Variants in PKHD1 observed in about 807,000 individuals in gnomAD.
PKHD1 encodes fibrocystin.
In PKHD1, 291 loss-of-function variants were observed where a neutral mutation model predicts 412.0. That is an observed-to-expected ratio of 0.71 (90% CI 0.64 to 0.78). PKHD1 has a LOEUF of 0.78. Among genes scored for constraint, PKHD1 ranks in the 30% least tolerant of loss-of-function variants. PKHD1 has a pLI of 0.00. For missense variants in PKHD1, 4,825 were observed against 4,950.7 expected, an observed-to-expected ratio of 0.97 and a Z score of 0.76; for synonymous variants, 1,777 against 1,821.5, an observed-to-expected ratio of 0.98 and a Z score of 0.62.
chr6:52,014,379 A>C (rs1357733031), intron 34 of PKHD1, among the ~76,000 whole-genome samples: 2 of 152,090 alleles, frequency 1.3e-5, no homozygotes, highest in Non-Finnish European at 2.9e-5. Flanking sequence ...TTATTATCTG[A>C]CTTTCTTCTC....
At position 51,846,508 on chromosome 6, in the gene PKHD1, G is replaced by A. The variant is rs1771182513; in HGVS notation, c.8107+1267C>T. Among the ~76,000 whole-genome samples, 5 of 152,116 alleles carry A rather than the reference G, an allele frequency of 3.3e-5. No homozygotes were observed. The South Asian group carries it at 1.0e-3, about 32-fold the overall frequency. On this transcript the variant is annotated intron_variant, in intron 50 of 66. Transcript: ENST00000371117. ...GATTCTCCTTTTTACTGTAAGAAGTGGCCTCACAGTGAGCTGCGATTGGAA... is the reference window on the plus strand; with the variant it reads ...GATTCTCCTTTTTACTGTAAGAAGTAGCCTCACAGTGAGCTGCGATTGGAA...
chr6:51,892,506 G>A (rs187234752), intron 43 of PKHD1, among the ~76,000 whole-genome samples: 3 of 152,290 alleles, frequency 2.0e-5, no homozygotes, highest in Non-Finnish European at 2.9e-5. Flanking sequence ...TTATACAGAG[G>A]ATAGGCTCGA....
intron 55 of PKHD1, among the ~76,000 whole-genome samples, chr6:51,757,798 T>C (rs1209490568): frequency 6.6e-6 from 1 of 150,844 alleles, no homozygotes; most frequent in African/African-American, 2.4e-5. Flanking sequence ...AACCCAGGAG[T>C]TCAAGACCAG....
intron 60 of PKHD1, among the ~76,000 whole-genome samples, chr6:51,673,842 A>C (rs1464319332): frequency 6.6e-6 from 1 of 152,228 alleles, no homozygotes. Flanking sequence ...GCTAGGTTCC[A>C]GTTGAGGTAA....
At chr6:51,651,660 C>T (rs1191966752) in intron 61 of PKHD1, among the ~76,000 whole-genome samples, 3 of 152,130 alleles carry the variant, frequency 2.0e-5, no homozygotes, top group Non-Finnish European at 4.4e-5. Flanking sequence ...CTCAGCACCA[C>T]AGACAACCTC....
rs1292793979 is a variant in PKHD1, at chr6:52,042,016, C to A, written c.3097+843G>T. ...CCTTATAACTCTATAGAGAAAACTA[C>A]ACTATGCCCTACACTCAAACCAATA... On this transcript the variant is annotated intron_variant, in intron 27 of 66. Coordinates refer to ENST00000371117, the MANE Select transcript of PKHD1 (RefSeq NM_138694.4). Among the ~76,000 whole-genome samples the A allele has an allele frequency of 3.3e-5, 5 of 152,268 alleles. No homozygotes were observed. The South Asian group carries it at 8.3e-4, about 25-fold the overall frequency.
chr6:51,897,442 C>A lies in PKHD1; in HGVS notation c.6996+6155G>T, dbSNP rs372576494. Reference sequence around the variant, plus strand: ...CTCATAAGTGAAGGAGAAATAAAATCCTTTACAGACAAGCAAATGCTGAGA... The same window carrying A: ...CTCATAAGTGAAGGAGAAATAAAATACTTTACAGACAAGCAAATGCTGAGA... On this transcript the variant is annotated intron_variant, in intron 43 of 66. Coordinates refer to ENST00000371117, the MANE Select transcript of PKHD1 (RefSeq NM_138694.4). Among the ~76,000 whole-genome samples, 5 of 151,864 alleles carry A rather than the reference C, an allele frequency of 3.3e-5. No individual in the cohort carries two copies. In the South Asian group the frequency reaches 6.3e-4, roughly 19 times the overall value.
At chr6:51,974,691 T>A (rs1217865604) in intron 35 of PKHD1, among the ~76,000 whole-genome samples, 1 of 152,104 alleles carries the variant, frequency 6.6e-6, no homozygotes, top group East Asian at 1.9e-4. Context: ...CAATGGACTT[T>A]GAGGACTTGG....
chr6:51,773,519 T>C (rs1790494005), intron 54 of PKHD1, among the ~76,000 whole-genome samples: 1 of 151,532 alleles, frequency 6.6e-6, no homozygotes, highest in African/African-American at 2.4e-5. Context: ...ATATATTTAT[T>C]TTATTTAGAT....
intron 36 of PKHD1, among the ~76,000 whole-genome samples, chr6:51,953,687 C>A (rs897617726): frequency 6.6e-6 from 1 of 151,872 alleles, no homozygotes; most frequent in Admixed American, 6.6e-5. Context: ...TACAATGAAC[C>A]TGACAGTGAG....
intron 50 of PKHD1, among the ~76,000 whole-genome samples, chr6:51,837,902 G>T (rs1163274501): frequency 1.3e-5 from 2 of 152,038 alleles, no homozygotes; most frequent in African/African-American, 4.8e-5. Flanking sequence ...CACATGTTGA[G>T]ACCTGGTACA....
Position 51,659,472 on chromosome 6 carries a change from G to A in PKHD1, c.10654C>T (p.Pro3552Ser), listed in dbSNP as rs1282914025. Residue 3552 changes from proline to serine, a missense_variant, in exon 61 of 67, where the codon CCC becomes TCC. Pro to Ser is a moderately conservative substitution (Grantham distance 74). Transcript: ENST00000371117. ...GAAACACCTGAGCGTATTTCAATGG[G>A]CTCCTCTCCTTGTAGGACAACATAC... The part of the protein sequence containing the change: ...LLYVVLQGEE[P>S]IEIRSGVSIH... 3 of 1,613,614 alleles carry A rather than the reference G, an allele frequency of 1.9e-6. No homozygotes were observed. Among genetic ancestry groups the A allele is most frequent in the African/African-American group, 1.3e-5 (1 of 74,988 alleles).
intron 60 of PKHD1, among the ~76,000 whole-genome samples, chr6:51,694,493 C>T (rs1261806615): frequency 6.6e-6 from 1 of 150,796 alleles, no homozygotes; most frequent in Non-Finnish European, 1.5e-5. Context: ...AAGCAATTCT[C>T]CTGCCTCAGC....
chr6:51,634,103 T>C (rs998697737), intron 64 of PKHD1, among the ~76,000 whole-genome samples: 13 of 152,168 alleles, frequency 8.5e-5, no homozygotes, highest in African/African-American at 3.1e-4. Flanking sequence ...CAGCCAGCAT[T>C]TTTAAAGCAG....
chr6:51,729,872 G>A (rs1783042612), intron 60 of PKHD1, among the ~76,000 whole-genome samples: 1 of 152,036 alleles, frequency 6.6e-6, no homozygotes. Flanking sequence ...ATATCTCCAA[G>A]TCCTAAATTT....
At position 51,753,376 on chromosome 6, in the gene PKHD1, A is replaced by G. The variant is rs112461846; in HGVS notation, c.8798-23T>C. ...TTCCTGGGGCAATAGGAGTTGTGGG[A>G]AAAAAAAACTTTAAAAACCTGTTTC... On this transcript the variant is annotated intron_variant, in intron 56 of 66. Coordinates refer to ENST00000371117, the MANE Select transcript of PKHD1 (RefSeq NM_138694.4). The G allele has an allele frequency of 0.016, 25,396 of 1,585,520 alleles. 1,583 individuals are homozygous for G. The African/African-American group carries it at 0.17, about 11-fold the overall frequency.
At chr6:51,624,319 A>G (rs1007965553) in intron 66 of PKHD1, among the ~76,000 whole-genome samples, 1 of 152,192 alleles carries the variant, frequency 6.6e-6, no homozygotes, top group Non-Finnish European at 1.5e-5. Context: ...AAAATAGAAA[A>G]TGTTCATTTT....
chr6:52,042,186 T>A (rs983639991), intron 27 of PKHD1, among the ~76,000 whole-genome samples: 5 of 152,150 alleles, frequency 3.3e-5, no homozygotes, highest in African/African-American at 1.2e-4. Context: ...CATAATTCAC[T>A]CTTCTAGGCA....
At chr6:51,749,653 A>G (rs1785763886) in intron 57 of PKHD1, among the ~76,000 whole-genome samples, 1 of 152,186 alleles carries the variant, frequency 6.6e-6, no homozygotes, top group Non-Finnish European at 1.5e-5. Flanking sequence ...AGGTACAATT[A>G]TTATCCCCAT....
Sources: allele counts gnomAD v4.1 joint callset (sites outside exome capture counted in the v4.1 genomes callset), GRCh38; gene constraint gnomAD v4.1.1; transcripts MANE v1.5; gene names NCBI Gene and HGNC (gene_info 2026-07-23, HGNC 2026-07-21).